The following PARP16 variants were observed in gnomAD, a reference collection of about 807,000 sequenced individuals.
The protein encoded by PARP16 is poly(ADP-ribose) polymerase family member 16.
Under a neutral mutation model 35.0 loss-of-function variants are expected in PARP16, and 31 were observed. The ratio of observed to expected loss-of-function variants is 0.88; its 90% confidence interval spans 0.66 to 1.19. The LOEUF (loss-of-function observed/expected upper bound fraction) is 1.19, where lower values mean the gene tolerates loss of function less well. PARP16 is among the 50% of genes most tolerant of loss of function. PARP16 has a pLI of 0.00. For missense variants in PARP16, 424 were observed against 411.2 expected (o/e 1.03, Z -0.27); for synonymous variants, 162 against 169.5 (o/e 0.96, Z 0.34).
At chr15:65,243,072 T>A (rs1050467647) in intron 3 of PARP16, among the ~76,000 whole-genome samples, 1 of 152,226 alleles carries the variant, frequency 6.6e-6, no homozygotes, top group Non-Finnish European at 1.5e-5. Flanking sequence ...ATATATGTCA[T>A]TTATAAATAA....
chr15:65,242,396 C>CA (rs35131686), intron 3 of PARP16, among the ~76,000 whole-genome samples: 1,589 of 148,288 alleles, frequency 0.011, 22 homozygotes, highest in African/African-American at 0.034. Context: ...TTGTTTACTA[C>CA]AAAAAAAAAA....
intron 3 of PARP16, among the ~76,000 whole-genome samples, chr15:65,237,134 C>A (rs2088904640): frequency 6.6e-6 from 1 of 152,108 alleles, no homozygotes; most frequent in Non-Finnish European, 1.5e-5. Context: ...GGGCTGGGAA[C>A]CTCCTATCTG....
chr15:65,240,322 T>G (rs1401762703), intron 3 of PARP16, among the ~76,000 whole-genome samples: 2 of 46,036 alleles, frequency 4.3e-5, no homozygotes, highest in African/African-American at 9.3e-5. Flanking sequence ...TGGGGGGGGC[T>G]AGTGTGTGTG....
downstream of PARP16, among the ~76,000 whole-genome samples, chr15:65,233,112 T>G (rs1415656684): frequency 6.6e-6 from 1 of 152,228 alleles, no homozygotes; most frequent in Non-Finnish European, 1.5e-5. Context: ...AATACTGAAC[T>G]GTACACTTAA....
downstream of PARP16, among the ~76,000 whole-genome samples, chr15:65,231,513 G>A (rs767342668): frequency 6.7e-6 from 1 of 149,704 alleles, no homozygotes; most frequent in Non-Finnish European, 1.5e-5. Context: ...GCAGGGTCAC[G>A]ATCTTGGCTC....
At position 65,259,205 on chromosome 15, in the gene PARP16, G is replaced by C. The variant is rs1005831242; in HGVS notation, c.*202C>G. ...GGACTCCCCTAAAACCTAAGAGTGA[G>C]GGACTAGTAGTCCCCGTTGACTGGA... On this transcript the variant is annotated 3_prime_UTR_variant, in exon 6 of 6. Transcript: ENST00000649807. The C allele has an allele frequency of 4.9e-6, 3 of 615,836 alleles. No individual in the cohort carries two copies. Among genetic ancestry groups the C allele is most frequent in the Non-Finnish European group, 8.8e-6 (3 of 341,698 alleles). 38.1% of individuals were successfully genotyped at this position (615,836 alleles called of 1,614,324 possible). A position where few individuals can be genotyped will look rare whatever the true frequency, so the allele number is the denominator to read the frequency against.
At chr15:65,252,103 A>C (rs900098584) in intron 2 of PARP16, among the ~76,000 whole-genome samples, 5 of 152,174 alleles carry the variant, frequency 3.3e-5, no homozygotes, top group African/African-American at 1.2e-4. Context: ...GGCTGGGAGA[A>C]GGCAACTCAC....
downstream of PARP16, among the ~76,000 whole-genome samples, chr15:65,257,629 C>CAA (rs5813342): frequency 2.6e-3 from 170 of 66,624 alleles, 1 homozygote; most frequent in Non-Finnish European, 3.2e-3. Context: ...GACTCTGTCT[C>CAA]AAAAAAAAAA....
intron 1 of PARP16, among the ~76,000 whole-genome samples, chr15:65,278,630 C>T (rs560083285): frequency 6.6e-6 from 1 of 152,290 alleles, no homozygotes; most frequent in East Asian, 1.9e-4. Flanking sequence ...AGATCACAAG[C>T]TCCTGGGGAG....
intron 3 of PARP16, among the ~76,000 whole-genome samples, chr15:65,240,326 G>GTGTA (rs2140730890): frequency 9.4e-6 from 1 of 105,936 alleles, no homozygotes; most frequent in South Asian, 3.0e-4. Context: ...GGGGGCTAGT[G>GTGTA]TGTGTGTGTG....
chr15:65,265,236 A>G (rs1393201101), intron 3 of PARP16, among the ~76,000 whole-genome samples: 2 of 152,196 alleles, frequency 1.3e-5, no homozygotes, highest in Non-Finnish European at 2.9e-5. Context: ...TCCTCCAACT[A>G]CCCTAGATGC....
At chr15:65,261,908 C>T (rs1210860481) in intron 4 of PARP16, among the ~76,000 whole-genome samples, 5 of 152,146 alleles carry the variant, frequency 3.3e-5, no homozygotes, top group South Asian at 2.1e-4. Context: ...ACTAGGAAGA[C>T]GAAAGCTGCG....
chr15:65,235,641 A>G (rs2088858141), intron 3 of PARP16, among the ~76,000 whole-genome samples: 1 of 83,942 alleles, frequency 1.2e-5, no homozygotes, highest in Non-Finnish European at 3.0e-5. Context: ...TATCTCTACA[A>G]AAAAAAAAAA....
At chr15:65,251,266 A>T (rs62012528) in intron 2 of PARP16, among the ~76,000 whole-genome samples, 2,422 of 152,116 alleles carry the variant, frequency 0.016, 56 homozygotes, top group African/African-American at 0.049. Flanking sequence ...ATCAATCCAG[A>T]CTCACTAGTT....
intron 3 of PARP16, among the ~76,000 whole-genome samples, chr15:65,242,886 T>G (rs2089115818): frequency 6.6e-6 from 1 of 151,992 alleles, no homozygotes; most frequent in Admixed American, 6.6e-5. Context: ...GGCTAATTTT[T>G]GTATTTTTAG....
In PARP16 at chr15:65,265,643, A is replaced by G. The variant is rs554603027; in HGVS notation, c.519+919T>C. ...CTGATTTCCTGGAGTGTGGTCCCCA[A>G]GGAAAGTGCTTCTCAAACTTCAATA... is the stretch of plus-strand genomic sequence containing the variant. On this transcript the variant is annotated intron_variant, in intron 3 of 5. Coordinates refer to ENST00000649807, the MANE Select transcript of PARP16 (RefSeq NM_001316943.2). Among the ~76,000 whole-genome samples, 7 of 152,266 alleles carry G rather than the reference A, an allele frequency of 4.6e-5. No homozygotes were observed. In the East Asian group the frequency reaches 1.4e-3, roughly 30 times the overall value.
chr15:65,251,363 T>TACCC (rs1370473979), intron 2 of PARP16, among the ~76,000 whole-genome samples: 1 of 152,224 alleles, frequency 6.6e-6, no homozygotes, highest in Non-Finnish European at 1.5e-5. Context: ...AGTTAAGATC[T>TACCC]ACCCACGTTT....
intron 1 of PARP16, among the ~76,000 whole-genome samples, chr15:65,284,044 C>A (rs1313326088): frequency 6.6e-6 from 1 of 152,156 alleles, no homozygotes; most frequent in Non-Finnish European, 1.5e-5. Context: ...AGAGGCTCAG[C>A]CTTTGTCCCT....
chr15:65,274,567 C>T (rs2090192269), intron 1 of PARP16, among the ~76,000 whole-genome samples: 1 of 125,318 alleles, frequency 8.0e-6, no homozygotes, highest in African/African-American at 2.5e-5. Context: ...GAGTGAAACC[C>T]TGTCTCGAAT....
Sources: gnomAD v4.1 joint callset for allele counts (sites outside exome capture counted in the v4.1 genomes callset) on GRCh38, gnomAD v4.1.1 for gene constraint, MANE v1.5 for transcripts, NCBI Gene and HGNC (gene_info 2026-07-23, HGNC 2026-07-21) for gene names.